The following UBTD1 variants were observed in gnomAD, a reference collection of about 807,000 sequenced individuals.
UBTD1 encodes the protein ubiquitin domain-containing protein 1.
A neutral mutation model predicts 21.7 loss-of-function variants in UBTD1; 19 were observed. The observed-to-expected ratio is 0.87, with a 90% confidence interval of 0.61 to 1.28. The LOEUF (loss-of-function observed/expected upper bound fraction) is 1.28. Ranked by LOEUF, UBTD1 falls within the 50% of genes most tolerant of loss-of-function variation. The pLI is 0.00. For synonymous variants in UBTD1, 116 were observed against 135.1 expected (o/e 0.86, Z 0.98); for missense variants, 282 against 315.1 (o/e 0.89, Z 0.80).
At position 97,518,194 on chromosome 10, in the gene UBTD1, G is replaced by A. The variant is rs148900264; in HGVS notation, c.70+18921G>A. Among the ~76,000 whole-genome samples, 286 of 152,308 alleles carry A rather than the reference G, an allele frequency of 1.9e-3. 1 individual carries two copies. The highest frequency in any genetic ancestry group is 6.7e-3 in the African/African-American group (280 of 41,566). The stretch of plus-strand genomic sequence containing the variant: ...AGATGGTGGCAGAGACTGGAATACT[G>A]GGTGCATCTTGGGGCCCACAGAGCT... On this transcript the variant is annotated intron_variant, in intron 1 of 2. Transcript: ENST00000370664.
chr10:97,527,192 A>AC (rs2135666996), intron 1 of UBTD1, among the ~76,000 whole-genome samples: 1 of 150,310 alleles, frequency 6.7e-6, no homozygotes, highest in South Asian at 2.1e-4. Context: ...AAAAAAAAAA[A>AC]AAGCCTGCCT....
chr10:97,552,797 A>G (rs73332712), intron 1 of UBTD1, among the ~76,000 whole-genome samples: 2 of 152,166 alleles, frequency 1.3e-5, no homozygotes, highest in African/African-American at 4.8e-5. Flanking sequence ...CCGTGTTAGC[A>G]TCCTACCTCA....
chr10:97,569,858 T>C (rs1045711022), intron 2 of UBTD1, among the ~76,000 whole-genome samples: 5 of 151,372 alleles, frequency 3.3e-5, no homozygotes, highest in African/African-American at 1.2e-4. Context: ...GGTGGGAGGA[T>C]TGCATGAGCC....
intron 1 of UBTD1, among the ~76,000 whole-genome samples, chr10:97,535,883 A>C (rs769108649): frequency 9.2e-5 from 14 of 151,790 alleles, no homozygotes; most frequent in Non-Finnish European, 1.9e-4. Context: ...GCACTACTGC[A>C]CTCTAATCTG....
chr10:97,535,654 T>C (rs2135672177), intron 1 of UBTD1, among the ~76,000 whole-genome samples: 1 of 152,194 alleles, frequency 6.6e-6, no homozygotes, highest in East Asian at 1.9e-4. Flanking sequence ...TACTTGCAGC[T>C]GTAGTGGCTC....
At chr10:97,518,941 C>T (rs933559347) in intron 1 of UBTD1, among the ~76,000 whole-genome samples, 1 of 152,204 alleles carries the variant, frequency 6.6e-6, no homozygotes, top group African/African-American at 2.4e-5. Context: ...TATGATCATC[C>T]TCTCACAGCA....
intron 1 of UBTD1, among the ~76,000 whole-genome samples, chr10:97,548,448 A>G (rs931331029): frequency 6.6e-6 from 1 of 152,216 alleles, no homozygotes; most frequent in East Asian, 1.9e-4. Context: ...TGTGAAGTAT[A>G]GTATTCTCTC....
Position 97,504,107 on chromosome 10 carries a change from TC to T in UBTD1, c.70+4836del, listed in dbSNP as rs369247512. ...TTCTCCCTTTCTCTCACACTTCACA[TC>T]CATTTAATCAATAAATCCTGTTGGT... On this transcript the variant is annotated intron_variant, in intron 1 of 2. Transcript: ENST00000370664. Among the ~76,000 whole-genome samples the T allele has an allele frequency of 9.7e-3, 1,482 of 152,178 alleles. 25 individuals are homozygous for T. Among genetic ancestry groups the T allele is most frequent in the African/African-American group, 0.027 (1,108 of 41,512 alleles).
chr10:97,529,388 G>T (rs111376655), intron 1 of UBTD1, among the ~76,000 whole-genome samples: 2,224 of 152,336 alleles, frequency 0.015, 46 homozygotes, highest in African/African-American at 0.051. Context: ...CTGCAATCTC[G>T]GCACTTTGGG....
chr10:97,521,566 C>T (rs59109814), intron 1 of UBTD1, among the ~76,000 whole-genome samples: 29,981 of 152,206 alleles, frequency 0.2, 3,312 homozygotes, highest in East Asian at 0.48. Flanking sequence ...AAAAGTTAAG[C>T]CCTTCTGCCA....
intron 1 of UBTD1, among the ~76,000 whole-genome samples, chr10:97,525,944 G>A (rs2040486406): frequency 6.6e-6 from 1 of 152,170 alleles, no homozygotes; most frequent in African/African-American, 2.4e-5. Context: ...TTTAGGTAGT[G>A]GGGAGCCATA....
At chr10:97,564,208 G>T (rs2040707114) in intron 1 of UBTD1, among the ~76,000 whole-genome samples, 1 of 152,184 alleles carries the variant, frequency 6.6e-6, no homozygotes. Flanking sequence ...CGAGTTTCCT[G>T]TCTAGCCTGC....
intron 1 of UBTD1, among the ~76,000 whole-genome samples, chr10:97,533,806 C>A (rs1384316716): frequency 6.6e-6 from 1 of 151,958 alleles, no homozygotes; most frequent in African/African-American, 2.4e-5. Context: ...ACCTGTAGTC[C>A]CAGCTTCTCA....
intron 1 of UBTD1, among the ~76,000 whole-genome samples, chr10:97,535,431 C>G (rs2040555423): frequency 6.6e-6 from 1 of 152,046 alleles, no homozygotes; most frequent in Admixed American, 6.6e-5. Flanking sequence ...CTGGCTAACA[C>G]AGTGAAACCC....
chr10:97,501,461 G>A (rs1425650285), intron 1 of UBTD1, among the ~76,000 whole-genome samples: 4 of 152,086 alleles, frequency 2.6e-5, no homozygotes, highest in Admixed American at 6.6e-5. Flanking sequence ...GTGGTGGCAG[G>A]CGCCTGTAAT....
rs2040506334 is a variant in UBTD1, at chr10:97,528,660, CGGGCGGGGGGCTG to C, written c.70+29388_70+29400del. Among the ~76,000 whole-genome samples the C allele has an allele frequency of 3.1e-5, 2 of 63,886 alleles. 1 individual carries two copies. The highest frequency in any genetic ancestry group is 2.9e-4 in the Admixed American group (2 of 6,920). The allele number at this position is 63,886 out of a possible 152,430, so 41.9% of individuals were successfully genotyped here. A position where few individuals can be genotyped will look rare whatever the true frequency, so the allele number is the denominator to read the frequency against. ...CTCCCTCCCGGACGGGGCGGCTGGC[CGGGCGGGGGGCTG>C]ACCCCCCCCACCTCCCTCCCGGACG... On this transcript the variant is annotated intron_variant, in intron 1 of 2. Transcript: ENST00000370664.
Position 97,565,742 on chromosome 10 carries a change from G to A in UBTD1, c.71-2172G>A, listed in dbSNP as rs2040714403. 2.0e-5 allele frequency among the ~76,000 whole-genome samples: 3 copies of A among 151,904 alleles called. No homozygotes were observed. In the South Asian group the frequency reaches 6.2e-4, roughly 32 times the overall value. ...TTTTTTTGAGACAGGGTCTCACTTT[G>A]TCACCCAGGCTGGATTTGGAGTGCA... is the stretch of plus-strand genomic sequence containing the variant. On this transcript the variant is annotated intron_variant, in intron 1 of 2. Coordinates refer to ENST00000370664, the MANE Select transcript of UBTD1 (RefSeq NM_024954.5).
At chr10:97,547,965 C>G (rs1386499996) in intron 1 of UBTD1, among the ~76,000 whole-genome samples, 3 of 151,954 alleles carry the variant, frequency 2.0e-5, no homozygotes, top group Non-Finnish European at 2.9e-5. Flanking sequence ...GGCTTGGTTA[C>G]CAATGACAAT....
At position 97,570,787 on chromosome 10, in the gene UBTD1, C is replaced by T. The variant is rs539686091; in HGVS notation, c.*264C>T. 1.8e-5 allele frequency: 8 copies of T among 455,758 alleles called. No individual in the cohort carries two copies. The highest frequency in any genetic ancestry group is 7.1e-5 in the Admixed American group (2 of 28,182). The allele number at this position is 455,758 out of a possible 1,614,324, so 28.2% of individuals were successfully genotyped here. ...CCCTGCCTGTCTCCCGAAGCAGGTTCGAGCCACAAGGGCCAACCAGGAGGC... is the reference window on the plus strand; with the variant it reads ...CCCTGCCTGTCTCCCGAAGCAGGTTTGAGCCACAAGGGCCAACCAGGAGGC... On this transcript the variant is annotated 3_prime_UTR_variant, in exon 3 of 3. Coordinates refer to ENST00000370664, the MANE Select transcript of UBTD1 (RefSeq NM_024954.5). The surrounding 1 kb of genome is among the most constrained non-coding windows in gnomAD (Gnocchi z 6.6).
Sources: allele counts gnomAD v4.1 joint callset (sites outside exome capture counted in the v4.1 genomes callset), GRCh38; gene constraint gnomAD v4.1.1; non-coding constraint Gnocchi (gnomAD v3.1); transcripts MANE v1.5; gene names NCBI Gene and HGNC (gene_info 2026-07-23, HGNC 2026-07-21).